Variants in PTGR2 observed in about 807,000 individuals in gnomAD.
PTGR2 encodes the protein prostaglandin reductase 2, also known as 15-oxoprostaglandin 13-reductase.
In PTGR2, 32 loss-of-function variants were observed where a neutral mutation model predicts 43.4. That is an observed-to-expected ratio of 0.74 (90% CI 0.56 to 0.99). PTGR2 has a LOEUF of 0.99. Among genes scored for constraint, PTGR2 ranks in the 50% least tolerant of loss-of-function variants. PTGR2 has a pLI of 0.00. For synonymous variants in PTGR2, 106 were observed against 139.2 expected (o/e 0.76, Z 1.68); for missense variants, 373 against 420.0 (o/e 0.89, Z 0.98).
intron 8 of PTGR2, 37 bp downstream of exon 8, chr14:73,881,329 G>A (rs1054276027): frequency 4.1e-6 from 5 of 1,219,644 alleles, no homozygotes; most frequent in Non-Finnish European, 4.8e-6. Context: ...AATTCTTCCT[G>A]CTACTTGATA....
At chr14:73,869,197 T>C (rs982003894) in intron 3 of PTGR2, among the ~76,000 whole-genome samples, 2 of 152,164 alleles carry the variant, frequency 1.3e-5, no homozygotes, top group African/African-American at 2.4e-5. Flanking sequence ...AAGTAATAAT[T>C]ACATTTGTGT....
chr14:73,867,088 C>CAAAAAAAAA (rs200945001), intron 3 of PTGR2, among the ~76,000 whole-genome samples: 53 of 100,040 alleles, frequency 5.3e-4, no homozygotes, highest in Non-Finnish European at 6.8e-4. Flanking sequence ...GACTCTGTCT[C>CAAAAAAAAA]AAAAAAAAAA....
intron 7 of PTGR2, 100 bp downstream of exon 7, chr14:73,880,276 T>C: frequency 6.9e-7 from 1 of 1,458,228 alleles, no homozygotes; most frequent in Non-Finnish European, 9.5e-7. Flanking sequence ...TTTTTCTTTA[T>C]TAAATAAAAC....
chr14:73,859,994 G>A (rs1359173779), intron 2 of PTGR2, among the ~76,000 whole-genome samples: 3 of 151,708 alleles, frequency 2.0e-5, no homozygotes, highest in South Asian at 2.1e-4. Context: ...GACTACAGGC[G>A]TGCGCCACCA....
intron 2 of PTGR2, 59 bp downstream of exon 2, chr14:73,858,958 G>A: frequency 7.1e-7 from 1 of 1,410,178 alleles, no homozygotes; most frequent in Non-Finnish European, 1.0e-6. Context: ...TGCAAATGGA[G>A]GAATAAAAAC....
intron 5 of PTGR2, 170 bp downstream of exon 5, chr14:73,877,338 C>T (rs1048180553): frequency 3.4e-5 from 18 of 533,336 alleles, no homozygotes; most frequent in African/African-American, 2.9e-4. Context: ...AATCTTGGCT[C>T]ACTGCAACCT....
At chr14:73,855,437 A>G (rs1194208662) in intron 1 of PTGR2, among the ~76,000 whole-genome samples, 1 of 151,968 alleles carries the variant, frequency 6.6e-6, no homozygotes, top group Non-Finnish European at 1.5e-5. Flanking sequence ...TTATAGTGCA[A>G]TTACTTTATT....
chr14:73,878,879 T>C, intron 5 of PTGR2: 1 of 523,642 alleles, frequency 1.9e-6, no homozygotes, highest in African/African-American at 1.9e-5. Flanking sequence ...TTGAGGAACA[T>C]AAGTCTACCT....
chr14:73,882,829 TTTTTTTTTTG>T, intron 9 of PTGR2, among the ~76,000 whole-genome samples: 2 of 53,228 alleles, frequency 3.8e-5, no homozygotes, highest in South Asian at 8.5e-4. Context: ...TTTTTTTTTT[TTTTTTTTTTG>T]AGACGGAGTC....
chr14:73,863,720 T>C (rs1042279750), intron 3 of PTGR2, among the ~76,000 whole-genome samples: 1 of 151,802 alleles, frequency 6.6e-6, no homozygotes, highest in Non-Finnish European at 1.5e-5. Context: ...ATTCAAGAGA[T>C]TCTCATGCCT....
intron 1 of PTGR2, among the ~76,000 whole-genome samples, chr14:73,857,882 G>C (rs909700871): frequency 6.6e-6 from 1 of 151,532 alleles, no homozygotes; most frequent in African/African-American, 2.4e-5. Flanking sequence ...TGTTAGGCAG[G>C]ATGGTCTTGA....
At chr14:73,862,025 A>G (rs2054502523) in intron 3 of PTGR2, among the ~76,000 whole-genome samples, 1 of 150,786 alleles carries the variant, frequency 6.6e-6, no homozygotes, top group Non-Finnish European at 1.5e-5. Flanking sequence ...TTGCAGTCGT[A>G]CACCACCACA....
At position 73,881,546 on chromosome 14, in the gene PTGR2, GT is replaced by G. The variant is rs1448368231; in HGVS notation, c.939+258del. Reference sequence around the variant, plus strand: ...ATAGATTATATTACAAAATCATTAGGTTTTCCCCCAAATGTAAAATTATGTT... The same window carrying G: ...ATAGATTATATTACAAAATCATTAGGTTTCCCCCAAATGTAAAATTATGTT... On this transcript the variant is annotated intron_variant, in intron 8 of 9. Transcript: ENST00000555661. 2.2e-5 allele frequency among the ~76,000 whole-genome samples: 3 copies of G among 139,382 alleles called. No individual in the cohort carries two copies. In the East Asian group the frequency reaches 6.2e-4, roughly 29 times the overall value. 91.4% of individuals were successfully genotyped at this position (139,382 alleles called of 152,430 possible).
intron 2 of PTGR2, 111 bp downstream of exon 2, chr14:73,859,010 G>T: frequency 2.6e-6 from 2 of 774,390 alleles, no homozygotes; most frequent in Non-Finnish European, 4.2e-6. Flanking sequence ...GTAAGATATT[G>T]ACACTAGTAA....
At chr14:73,857,664 G>GTTTTTTTTTTTTTTTTTTTTTT (rs1213963564) in intron 1 of PTGR2, among the ~76,000 whole-genome samples, 1 of 64,718 alleles carries the variant, frequency 1.5e-5, no homozygotes, top group African/African-American at 6.2e-5. Context: ...AGCAGTTAGT[G>GTTTTTTTTTTTTTTTTTTTTTT]TTTTTTTTTT....
chr14:73,858,618 A>T, intron 1 of PTGR2, 198 bp from the exon 2 acceptor site: 1 of 350,706 alleles, frequency 2.9e-6, no homozygotes, highest in Admixed American at 4.0e-5. Context: ...TGTTCCTATT[A>T]GTTAAAAATT....
chr14:73,874,572 T>C (rs773407542), intron 4 of PTGR2: 1 of 458,602 alleles, frequency 2.2e-6, no homozygotes, highest in Non-Finnish European at 4.4e-6. Context: ...TTTGCTTGTT[T>C]GTTTGTTTTA....
At chr14:73,860,487 G>A in intron 2 of PTGR2, 52 bp from the exon 3 acceptor site, 2 of 820,202 alleles carry the variant, frequency 2.4e-6, no homozygotes, top group Non-Finnish European at 4.1e-6. Flanking sequence ...AATAATAATA[G>A]TATATAGCAA....
At chr14:73,878,263 G>C (rs1406735034) in intron 5 of PTGR2, 1 of 152,140 alleles carries the variant, frequency 6.6e-6, no homozygotes, top group Non-Finnish European at 1.5e-5. Context: ...CCACAAGCTT[G>C]AAAAATAATG....
Sources: gnomAD v4.1 joint callset for allele counts (sites outside exome capture counted in the v4.1 genomes callset) on GRCh38, gnomAD v4.1.1 for gene constraint, MANE v1.5 for transcripts, NCBI Gene and HGNC (gene_info 2026-07-23, HGNC 2026-07-21) for gene names.